C3orf70: variants seen among roughly 807,000 people sequenced by gnomAD.
The protein encoded by C3orf70 is UPF0524 protein C3orf70.
A neutral mutation model predicts 20.7 loss-of-function variants in C3orf70; 15 were observed. The ratio of observed to expected loss-of-function variants is 0.72; its 90% CI spans 0.48 to 1.11. The LOEUF (loss-of-function observed/expected upper bound fraction) is 1.11. C3orf70 is among the 50% of genes most tolerant of loss of function. The pLI is 0.00. For missense variants in C3orf70, 332 were observed against 317.6 expected (o/e 1.05, Z -0.34); for synonymous variants, 161 against 125.7 (o/e 1.28, Z -1.88).
At chr3:185,133,408 GAAAC>G (rs1203846407) in intron 1 of C3orf70, among the ~76,000 whole-genome samples, 2 of 152,146 alleles carry the variant, frequency 1.3e-5, no homozygotes, top group African/African-American at 4.8e-5. Context: ...TAAAATATGA[GAAAC>G]AAACAAAATG....
intron 1 of C3orf70, among the ~76,000 whole-genome samples, chr3:185,121,650 A>G (rs931369651): frequency 2.0e-5 from 3 of 152,162 alleles, no homozygotes; most frequent in African/African-American, 7.2e-5. Flanking sequence ...GAGGAGAGAG[A>G]GTGTAATGAG....
chr3:185,128,299 G>A (rs1479460886), intron 1 of C3orf70, among the ~76,000 whole-genome samples: 4 of 152,078 alleles, frequency 2.6e-5, no homozygotes, highest in East Asian at 1.9e-4. Context: ...GAGGCGAGGC[G>A]GGTGGATCAC....
At chr3:185,104,379 G>A (rs11927663) in intron 1 of C3orf70, among the ~76,000 whole-genome samples, 7,908 of 152,284 alleles carry the variant, frequency 0.052, 664 homozygotes, top group African/African-American at 0.18. Context: ...GTTGGTGGGA[G>A]TGTAAATTAG....
chr3:185,132,853 A>G (rs1716549717), intron 1 of C3orf70, among the ~76,000 whole-genome samples: 1 of 152,184 alleles, frequency 6.6e-6, no homozygotes, highest in Non-Finnish European at 1.5e-5. Context: ...AAACAAAGAT[A>G]CTATCTTAAA....
At chr3:185,131,182 A>T (rs1026717353) in intron 1 of C3orf70, among the ~76,000 whole-genome samples, 4 of 152,212 alleles carry the variant, frequency 2.6e-5, no homozygotes, top group Non-Finnish European at 4.4e-5. Flanking sequence ...TACGGCTTTA[A>T]AATGTAATTC....
intron 1 of C3orf70, among the ~76,000 whole-genome samples, chr3:185,087,691 TAG>T (rs1424918414): frequency 6.6e-6 from 1 of 151,830 alleles, no homozygotes; most frequent in East Asian, 1.9e-4. Context: ...GTTTAATGGG[TAG>T]AGTTTGAGTT....
intron 1 of C3orf70, among the ~76,000 whole-genome samples, chr3:185,097,019 G>A (rs1715723443): frequency 6.6e-6 from 1 of 152,036 alleles, no homozygotes; most frequent in Non-Finnish European, 1.5e-5. Flanking sequence ...AAGGCCCTGG[G>A]GGACTGCATA....
chr3:185,142,549 GCT>G (rs1447836876), intron 1 of C3orf70, among the ~76,000 whole-genome samples: 1 of 152,156 alleles, frequency 6.6e-6, no homozygotes, highest in African/African-American at 2.4e-5. Flanking sequence ...TTTGAACATC[GCT>G]GTTTTGCAAC....
chr3:185,149,263 A>G (rs1259320021), intron 1 of C3orf70, among the ~76,000 whole-genome samples: 8 of 152,020 alleles, frequency 5.3e-5, no homozygotes, highest in Non-Finnish European at 1.2e-4. Flanking sequence ...GTGGTGGTGC[A>G]TGCCTGTAAT....
intron 1 of C3orf70, among the ~76,000 whole-genome samples, chr3:185,137,711 T>C (rs772251870): frequency 6.6e-6 from 1 of 152,056 alleles, no homozygotes; most frequent in Non-Finnish European, 1.5e-5. Context: ...AAAATTAAAA[T>C]AAAACACATA....
At position 185,079,364 on chromosome 3, in the gene C3orf70, C is replaced by T. The variant is rs376246392; in HGVS notation, c.*3643G>A. ...AAAAAGTATTTCAGGAAAGCAACTA[C>T]GTTGTTTTGTTCTGCTCTTGGTGCT... On this transcript the variant is annotated 3_prime_UTR_variant, in exon 2 of 2. Coordinates refer to ENST00000335012, the MANE Select transcript of C3orf70 (RefSeq NM_001025266.3). 41 of 150,312 alleles carry T rather than the reference C, an allele frequency of 2.7e-4. No individual in the cohort carries two copies. The highest frequency in any genetic ancestry group is 8.3e-4 in the African/African-American group (34 of 40,846). The allele number at this position is 150,312 out of a possible 1,614,324, so 9.3% of individuals were successfully genotyped here. A position where few individuals can be genotyped will look rare whatever the true frequency, so the allele number is the denominator to read the frequency against.
chr3:185,084,202 T>C (rs1715413609), intron 1 of C3orf70, among the ~76,000 whole-genome samples: 1 of 151,806 alleles, frequency 6.6e-6, no homozygotes, highest in Non-Finnish European at 1.5e-5. Context: ...AACAACCAAG[T>C]TGTAAAACAG....
intron 1 of C3orf70, among the ~76,000 whole-genome samples, chr3:185,125,470 C>T (rs557404628): frequency 6.6e-6 from 1 of 152,170 alleles, no homozygotes; most frequent in Non-Finnish European, 1.5e-5. Context: ...TAAACATAAA[C>T]TTTTGTGACC....
intron 1 of C3orf70, among the ~76,000 whole-genome samples, chr3:185,150,702 G>A (rs530979880): frequency 1.1e-3 from 165 of 152,298 alleles, no homozygotes; most frequent in African/African-American, 3.8e-3. Context: ...TTCAACTCTA[G>A]ACTGATCAGA....
At chr3:185,128,981 G>C (rs1183567073) in intron 1 of C3orf70, among the ~76,000 whole-genome samples, 2 of 152,180 alleles carry the variant, frequency 1.3e-5, no homozygotes, top group African/African-American at 4.8e-5. Flanking sequence ...TGCCCAGCAT[G>C]TTGATAATTT....
rs1553918668 is a variant in C3orf70 at position 185,077,789 on chromosome 3, T to TGGTG, written c.*5217_*5218insCACC. 1.3e-3 allele frequency among the ~76,000 whole-genome samples: 165 copies of TGGTG among 124,230 alleles called. 1 individual carries two copies. The Middle Eastern group carries it at 0.017, about 13-fold the overall frequency. 81.5% of individuals were successfully genotyped at this position (124,230 alleles called of 152,430 possible). ...TGAAATAAATGCTATTTGGTGGTGG[T>TGGTG]GGGGGGGGGGTATCAAGTTTTATTT... On this transcript the variant is annotated 3_prime_UTR_variant, in exon 2 of 2. Coordinates refer to ENST00000335012, the MANE Select transcript of C3orf70 (RefSeq NM_001025266.3).
intron 1 of C3orf70, among the ~76,000 whole-genome samples, chr3:185,129,609 A>G (rs1716488218): frequency 1.3e-5 from 2 of 152,174 alleles, no homozygotes; most frequent in Non-Finnish European, 2.9e-5. Flanking sequence ...TGGTAGTACT[A>G]TTTTTAGTTC....
At position 185,122,098 on chromosome 3, in the gene C3orf70, C is replaced by CAA. The variant is rs759419036; in HGVS notation, c.196+30528_196+30529dup. On this transcript the variant is annotated intron_variant, in intron 1 of 1. Transcript: ENST00000335012. ...TGGGTGACAGAGCGAGACTCCGTCT[C>CAA]AAAAAAAAAAAAAAAAAAGCAAGAG... 3.1e-3 allele frequency among the ~76,000 whole-genome samples: 184 copies of CAA among 58,868 alleles called. 2 individuals carry two copies. Among genetic ancestry groups the CAA allele is most frequent in the African/African-American group, 9.7e-3 (164 of 16,992 alleles). The allele number at this position is 58,868 out of a possible 152,430, so 38.6% of individuals were successfully genotyped here. A position where few individuals can be genotyped will look rare whatever the true frequency, so the allele number is the denominator to read the frequency against.
chr3:185,140,546 T>C (rs57250375), intron 1 of C3orf70, among the ~76,000 whole-genome samples: 2,452 of 152,206 alleles, frequency 0.016, 69 homozygotes, highest in African/African-American at 0.055. Flanking sequence ...CCAAAATTCA[T>C]ACGTTGAAAT....
Sources: allele counts gnomAD v4.1 joint callset (sites outside exome capture counted in the v4.1 genomes callset), GRCh38; gene constraint gnomAD v4.1.1; transcripts MANE v1.5; gene names NCBI Gene and HGNC (gene_info 2026-07-23, HGNC 2026-07-21).